The following WWOX variants were observed in gnomAD, a reference collection of about 807,000 sequenced individuals.
WWOX encodes the protein WW domain containing oxidoreductase, also known as WW domain-containing oxidoreductase.
Under a neutral mutation model 46.2 loss-of-function variants are expected in WWOX, and 69 were observed. That is an observed-to-expected ratio of 1.49 (90% confidence interval 1.23 to 1.82). The LOEUF is 1.82. Ranked by LOEUF, WWOX falls within the 40% of genes most tolerant of loss-of-function variation. The pLI is 0.00. For synonymous variants in WWOX, 359 were observed against 202.6 expected (o/e 1.77, Z -6.56); for missense variants, 919 against 542.6 (o/e 1.69, Z -6.89).
At chr16:78,196,565 C>T (rs9888900) in intron 5 of WWOX, among the ~76,000 whole-genome samples, 22 of 152,110 alleles carry the variant, frequency 1.4e-4, no homozygotes, top group Admixed American at 3.9e-4. Context: ...TATTTACAGT[C>T]GTGTGGAAAT....
chr16:78,726,618 A>G (rs1310745106), intron 8 of WWOX, among the ~76,000 whole-genome samples: 1 of 152,094 alleles, frequency 6.6e-6, no homozygotes, highest in East Asian at 1.9e-4. Context: ...CAACTAAACA[A>G]TTTATTTGAG....
intron 8 of WWOX, among the ~76,000 whole-genome samples, chr16:79,076,443 A>G (rs2048657877): frequency 6.6e-6 from 1 of 152,158 alleles, no homozygotes; most frequent in African/African-American, 2.4e-5. Context: ...GGAAGACTCA[A>G]GGTAGTATCT....
intron 8 of WWOX, among the ~76,000 whole-genome samples, chr16:79,013,774 TTTC>T (rs1452147144): frequency 3.3e-5 from 5 of 152,208 alleles, no homozygotes; most frequent in East Asian, 1.9e-4. Context: ...TATTGTCTCA[TTTC>T]TTCTTATTTT....
intron 8 of WWOX, among the ~76,000 whole-genome samples, chr16:79,067,795 T>A (rs927995621): frequency 1.3e-5 from 2 of 152,186 alleles, no homozygotes; most frequent in Admixed American, 1.3e-4. Flanking sequence ...ACTTTGTGGT[T>A]CGAATGGAAT....
At chr16:78,849,089 C>G (rs2052373504) in intron 8 of WWOX, among the ~76,000 whole-genome samples, 1 of 152,140 alleles carries the variant, frequency 6.6e-6, no homozygotes, top group Admixed American at 6.5e-5. Flanking sequence ...TCCCCAGGGT[C>G]TACTTGGTGT....
At chr16:78,469,656 A>T (rs1404976968) in intron 8 of WWOX, among the ~76,000 whole-genome samples, 1 of 152,196 alleles carries the variant, frequency 6.6e-6, no homozygotes, top group African/African-American at 2.4e-5. Context: ...TACCGCGCAG[A>T]TAGTGGGGAA....
intron 5 of WWOX, among the ~76,000 whole-genome samples, chr16:78,382,718 G>C (rs1019564507): frequency 2.0e-5 from 3 of 152,134 alleles, no homozygotes; most frequent in South Asian, 2.1e-4. Context: ...GGTTTGCTTG[G>C]TGGTGATGGA....
rs1282100017 is a variant in WWOX, at chr16:78,767,558, G to A, written c.1056+334806G>A. Reference sequence around the variant, plus strand: ...TGTACCAATATCTATTCAGATCTCTGCTTTCGATTCTTCTGCATGTATACC... The same window carrying A: ...TGTACCAATATCTATTCAGATCTCTACTTTCGATTCTTCTGCATGTATACC... On this transcript the variant is annotated intron_variant, in intron 8 of 8. Transcript: ENST00000566780. Among the ~76,000 whole-genome samples, 5 of 151,688 alleles carry A rather than the reference G, an allele frequency of 3.3e-5. No homozygotes were observed. In the South Asian group the frequency reaches 8.3e-4, roughly 25 times the overall value.
chr16:78,719,205 A>C (rs1324654154), intron 8 of WWOX, among the ~76,000 whole-genome samples: 1 of 152,214 alleles, frequency 6.6e-6, no homozygotes, highest in East Asian at 1.9e-4. Flanking sequence ...CAACAGAAAC[A>C]GTCAGTGCAG....
Position 78,261,772 on chromosome 16 carries a change from GTATCTATCTATCTATCT to G in WWOX, c.516+97484_516+97500del, listed in dbSNP as rs2079240101. Reference sequence around the variant, plus strand: ...TGTGTCTGTCTATCTATCTATCTATGTATCTATCTATCTATCTATATATATATATATATATATATATA... The same window carrying G: ...TGTGTCTGTCTATCTATCTATCTATGATATATATATATATATATATATATA... On this transcript the variant is annotated intron_variant, in intron 5 of 8. Coordinates refer to ENST00000566780, the MANE Select transcript of WWOX (RefSeq NM_016373.4). Among the ~76,000 whole-genome samples the G allele has an allele frequency of 4.1e-3, 530 of 129,900 alleles. 11 individuals carry two copies. The East Asian group carries it at 0.057, about 14-fold the overall frequency. 85.2% of individuals were successfully genotyped at this position (129,900 alleles called of 152,430 possible).
chr16:78,345,639 CAAAAA>C lies in WWOX; in HGVS notation c.517-41201_517-41197del, dbSNP rs1193432164. 2.0e-3 allele frequency among the ~76,000 whole-genome samples: 51 copies of C among 25,018 alleles called. 2 individuals carry two copies. The highest frequency in any genetic ancestry group is 5.3e-3 in the African/African-American group (47 of 8,864). The allele number at this position is 25,018 out of a possible 152,430, so 16.4% of individuals were successfully genotyped here. A position where few individuals can be genotyped will look rare whatever the true frequency, so the allele number is the denominator to read the frequency against. On this transcript the variant is annotated intron_variant, in intron 5 of 8. Coordinates refer to ENST00000566780, the MANE Select transcript of WWOX (RefSeq NM_016373.4). The stretch of plus-strand genomic sequence containing the variant: ...TGGGTGGCAGAGCAAGACCCTGTCT[CAAAAA>C]AAAAAAAAAAAAAAAAAAAGTAAAA...
chr16:78,908,156 A>G (rs2045014676), intron 8 of WWOX, among the ~76,000 whole-genome samples: 1 of 152,122 alleles, frequency 6.6e-6, no homozygotes, highest in South Asian at 2.1e-4. Context: ...GCAGTGTCAC[A>G]ACTTAAGAGC....
rs1254934091 is a variant in WWOX at position 78,802,170 on chromosome 16, A to G, written c.1056+369418A>G. 1.3e-5 allele frequency among the ~76,000 whole-genome samples: 2 copies of G among 148,430 alleles called. 1 individual carries two copies. Among genetic ancestry groups the G allele is most frequent in the Middle Eastern group, 6.5e-3 (2 of 308 alleles). On this transcript the variant is annotated intron_variant, in intron 8 of 8. Coordinates refer to ENST00000566780, the MANE Select transcript of WWOX (RefSeq NM_016373.4). Reference sequence around the variant, plus strand: ...ATATCCAGATATATACAACACAAAGAGCGAAGTTTGTTTTATATTTTGTTT... The same window carrying G: ...ATATCCAGATATATACAACACAAAGGGCGAAGTTTGTTTTATATTTTGTTT...
At chr16:78,942,361 C>A (rs1200890384) in intron 8 of WWOX, among the ~76,000 whole-genome samples, 1 of 152,120 alleles carries the variant, frequency 6.6e-6, no homozygotes, top group East Asian at 1.9e-4. Flanking sequence ...CTAGCGCAGC[C>A]TACCCCTTGC....
At chr16:78,299,521 C>CTTTTTT (rs997647456) in intron 5 of WWOX, among the ~76,000 whole-genome samples, 2 of 141,824 alleles carry the variant, frequency 1.4e-5, no homozygotes, top group African/African-American at 2.6e-5. Flanking sequence ...CTTTTCTTTT[C>CTTTTTT]TTTTTTTTTT....
intron 5 of WWOX, among the ~76,000 whole-genome samples, chr16:78,179,065 A>G (rs2035444805): frequency 6.6e-6 from 1 of 152,130 alleles, no homozygotes; most frequent in African/African-American, 2.4e-5. Context: ...TGGAGTCACC[A>G]TTTGTGGCAT....
intron 8 of WWOX, among the ~76,000 whole-genome samples, chr16:78,504,666 A>T (rs892507441): frequency 1.3e-5 from 2 of 152,094 alleles, no homozygotes; most frequent in Admixed American, 6.6e-5. Context: ...TCCTGAACAC[A>T]TCTCTGTGCA....
chr16:79,066,377 A>T (rs935395822), intron 8 of WWOX, among the ~76,000 whole-genome samples: 2 of 152,170 alleles, frequency 1.3e-5, no homozygotes, highest in Non-Finnish European at 1.5e-5. Flanking sequence ...AGACTCCATC[A>T]GGGCTGGGAA....
chr16:79,080,781 A>G (rs2048746423), intron 8 of WWOX, among the ~76,000 whole-genome samples: 1 of 152,204 alleles, frequency 6.6e-6, no homozygotes. Flanking sequence ...AGCCCGGGCA[A>G]CACAGGGAGG....
Sources: allele counts gnomAD v4.1 joint callset (sites outside exome capture counted in the v4.1 genomes callset), GRCh38; gene constraint gnomAD v4.1.1; transcripts MANE v1.5; gene names NCBI Gene and HGNC (gene_info 2026-07-23, HGNC 2026-07-21).